The following TMEM272 variants were observed in gnomAD, a reference collection of about 807,000 sequenced individuals.
The protein encoded by TMEM272 is transmembrane protein 272.
In TMEM272, 8 loss-of-function variants were observed where a neutral mutation model predicts 3.7. The observed-to-expected ratio is 2.17, with a 90% CI of 1.27 to 3.91. The LOEUF is 3.91. TMEM272 is among the 30% of genes most tolerant of loss of function. The pLI, the probability that TMEM272 is intolerant of heterozygous loss-of-function variation, is 0.00. For synonymous variants in TMEM272, 63 were observed against 39.8 expected, an observed-to-expected ratio of 1.58 and a Z score of -2.20; for missense variants, 166 against 91.5, an observed-to-expected ratio of 1.81 and a Z score of -3.32.
intron 1 of TMEM272, among the ~76,000 whole-genome samples, chr13:51,843,859 C>T (rs978677479): frequency 2.1e-4 from 32 of 152,114 alleles, no homozygotes; most frequent in Non-Finnish European, 5.9e-5. Flanking sequence ...ATAATAATTG[C>T]CAAATGATAT....
At chr13:51,851,352 A>G in the TMEM272 span, among the ~76,000 whole-genome samples, 1 of 149,190 alleles carries the variant, frequency 6.7e-6, no homozygotes. Context: ...CCAAAAAAAA[A>G]GAAGAGGAAG....
At chr13:51,926,123 A>G in the TMEM272 span, among the ~76,000 whole-genome samples, 38,529 of 149,900 alleles carry the variant, frequency 0.26, 5,139 homozygotes, top group East Asian at 0.56. Flanking sequence ...TGTGTGGTGT[A>G]TGTGTCTATG....
At chr13:51,822,559 T>C (rs1956089008) in intron 3 of TMEM272, among the ~76,000 whole-genome samples, 1 of 152,222 alleles carries the variant, frequency 6.6e-6, no homozygotes, top group African/African-American at 2.4e-5. Flanking sequence ...TTCCAAAATG[T>C]GACTCTGCGT....
chr13:51,844,000 G>A (rs909303180), intron 1 of TMEM272, among the ~76,000 whole-genome samples: 1 of 152,202 alleles, frequency 6.6e-6, no homozygotes, highest in Admixed American at 6.5e-5. Flanking sequence ...GAGCAGGGCT[G>A]TCGATAAAGA....
At chr13:51,906,639 T>C in the TMEM272 span, among the ~76,000 whole-genome samples, 1 of 152,174 alleles carries the variant, frequency 6.6e-6, no homozygotes, top group Non-Finnish European at 1.5e-5. Flanking sequence ...AAGAAAATAA[T>C]ATGTCCATGA....
At chr13:51,913,959 A>C in the TMEM272 span, among the ~76,000 whole-genome samples, 1 of 152,234 alleles carries the variant, frequency 6.6e-6, no homozygotes, top group Non-Finnish European at 1.5e-5. Context: ...GCACAGCTGC[A>C]AACATGTTAA....
the TMEM272 span, among the ~76,000 whole-genome samples, chr13:51,892,234 A>T: frequency 6.6e-6 from 1 of 152,146 alleles, no homozygotes; most frequent in Admixed American, 6.5e-5. Flanking sequence ...GAAGACTGGG[A>T]ATCTTTTCCT....
the TMEM272 span, among the ~76,000 whole-genome samples, chr13:51,903,343 C>A: frequency 6.6e-6 from 1 of 152,146 alleles, no homozygotes; most frequent in Non-Finnish European, 1.5e-5. Context: ...CCCTTCATTG[C>A]CATTGAGGTC....
the TMEM272 span, among the ~76,000 whole-genome samples, chr13:51,914,980 G>A: frequency 1.3e-5 from 2 of 152,224 alleles, no homozygotes; most frequent in East Asian, 3.9e-4. Flanking sequence ...TTTTCCTTAA[G>A]AAAAGAAGGA....
chr13:51,883,990 C>T, the TMEM272 span, among the ~76,000 whole-genome samples: 1 of 152,162 alleles, frequency 6.6e-6, no homozygotes, highest in Non-Finnish European at 1.5e-5. Context: ...GTCTGTGTTG[C>T]CCTTTTAGGT....
chr13:51,921,267 G>A, the TMEM272 span: 1 of 152,200 alleles, frequency 6.6e-6, no homozygotes, highest in African/African-American at 2.4e-5. Context: ...ATATCTAGCA[G>A]GTTTGCCTCT....
chr13:51,837,920 T>C (rs1160821487), intron 2 of TMEM272, among the ~76,000 whole-genome samples: 1 of 152,230 alleles, frequency 6.6e-6, no homozygotes, highest in Non-Finnish European at 1.5e-5. Context: ...CTGTAAAAGT[T>C]AGACCATACA....
At chr13:51,883,941 T>C in the TMEM272 span, among the ~76,000 whole-genome samples, 2 of 152,252 alleles carry the variant, frequency 1.3e-5, no homozygotes, top group South Asian at 4.1e-4. Context: ...GCTCTTTCCC[T>C]TTGTAACTAA....
intron 2 of TMEM272, among the ~76,000 whole-genome samples, chr13:51,830,950 C>T (rs559899925): frequency 3.3e-5 from 5 of 151,246 alleles, no homozygotes; most frequent in South Asian, 4.1e-4. Flanking sequence ...CACTCTTGCT[C>T]GAGGTCGAAT....
chr13:51,875,101 A>C, the TMEM272 span, among the ~76,000 whole-genome samples: 1 of 152,240 alleles, frequency 6.6e-6, no homozygotes, highest in African/African-American at 2.4e-5. Flanking sequence ...TGAGAACAGA[A>C]CAGTTGCTCA....
chr13:51,864,603 G>A, the TMEM272 span, among the ~76,000 whole-genome samples: 1 of 152,178 alleles, frequency 6.6e-6, no homozygotes, highest in Non-Finnish European at 1.5e-5. Flanking sequence ...ACTCTATTGG[G>A]ATGGTCATTG....
chr13:51,832,806 T>G (rs1305687966), intron 2 of TMEM272, among the ~76,000 whole-genome samples: 1 of 152,266 alleles, frequency 6.6e-6, no homozygotes, highest in East Asian at 1.9e-4. Context: ...GATGAACTTC[T>G]TTATAGATAT....
chr13:51,932,816 T>C, the TMEM272 span: 1 of 152,232 alleles, frequency 6.6e-6, no homozygotes, highest in Non-Finnish European at 1.5e-5. Flanking sequence ...CATGTCCATA[T>C]ATGAACACAA....
chr13:51,896,004 C>T, the TMEM272 span, among the ~76,000 whole-genome samples: 7 of 152,336 alleles, frequency 4.6e-5, no homozygotes, highest in Non-Finnish European at 8.8e-5. Flanking sequence ...TTAGCCTAAA[C>T]ACTTCATCTC....
Sources: gnomAD v4.1 joint callset for allele counts (sites outside exome capture counted in the v4.1 genomes callset) on GRCh38, gnomAD v4.1.1 for gene constraint, MANE v1.5 for transcripts, NCBI Gene and HGNC (gene_info 2026-07-23, HGNC 2026-07-21) for gene names.